CTNNA2: variants seen among roughly 807,000 people sequenced by gnomAD.
CTNNA2 encodes the protein catenin alpha-2.
A neutral mutation model predicts 101.0 loss-of-function variants in CTNNA2; 42 were observed. That is an observed-to-expected ratio of 0.42 (90% CI 0.32 to 0.54). The LOEUF (loss-of-function observed/expected upper bound fraction) is 0.54. CTNNA2 is among the 20% of genes least tolerant of loss of function. CTNNA2 has a pLI of 0.14. For missense variants in CTNNA2, 871 were observed against 1,223.1 expected, an observed-to-expected ratio of 0.71 and a Z score of 4.29; for synonymous variants, 450 against 456.4, an observed-to-expected ratio of 0.99 and a Z score of 0.18.
chr2:80,303,690 G>A lies in CTNNA2; in HGVS notation c.1057-89521G>A, dbSNP rs202209285. On this transcript the variant is annotated intron_variant, in intron 7 of 18. Transcript: ENST00000402739. The surrounding 1 kb of genome is among the most constrained non-coding windows in gnomAD (Gnocchi z 7.7). ...CAGTACAGCAGCCGCCCCTCGCACCGGCACAGCTGCGGGCACCCGCTGGGG... is the reference window on the plus strand; with the variant it reads ...CAGTACAGCAGCCGCCCCTCGCACCAGCACAGCTGCGGGCACCCGCTGGGG... The A allele has an allele frequency of 2.5e-6, 4 of 1,610,336 alleles. No homozygotes were observed. The highest frequency in any genetic ancestry group is 2.2e-5 in the East Asian group (1 of 44,750).
chr2:80,306,795 G>A (rs1352174987), intron 7 of CTNNA2, among the ~76,000 whole-genome samples: 4 of 144,468 alleles, frequency 2.8e-5, no homozygotes, highest in South Asian at 2.2e-4. Flanking sequence ...AGGGTTGCTA[G>A]GAAAAAAAAA....
At chr2:80,251,110 A>T (rs568940362) in intron 7 of CTNNA2, among the ~76,000 whole-genome samples, 1 of 152,174 alleles carries the variant, frequency 6.6e-6, no homozygotes, top group East Asian at 1.9e-4. Flanking sequence ...ATATCTCCTC[A>T]ATGGTGTTTC....
chr2:79,651,080 T>C (rs1292100477), intron 1 of CTNNA2, among the ~76,000 whole-genome samples: 1 of 152,080 alleles, frequency 6.6e-6, no homozygotes, highest in Non-Finnish European at 1.5e-5. Context: ...GACTGTAAAC[T>C]AGTTCAACCA....
At chr2:79,659,215 C>CT (rs5832398) in intron 2 of CTNNA2, among the ~76,000 whole-genome samples, 19,728 of 135,666 alleles carry the variant, frequency 0.15, 1,769 homozygotes, top group East Asian at 0.38. Flanking sequence ...TCCAGTGCCT[C>CT]TTTTTTTTTT....
intron 2 of CTNNA2, among the ~76,000 whole-genome samples, chr2:79,263,135 C>T (rs944486923): frequency 3.9e-5 from 6 of 152,148 alleles, no homozygotes; most frequent in Admixed American, 1.3e-4. Context: ...ATAACATCTA[C>T]AAACAACCCA....
intron 18 of CTNNA2, among the ~76,000 whole-genome samples, chr2:80,633,670 A>G (rs916492292): frequency 2.0e-5 from 3 of 152,190 alleles, no homozygotes; most frequent in Admixed American, 2.0e-4. Flanking sequence ...AGACCAAAAA[A>G]AGTTAACTTT....
intron 7 of CTNNA2, among the ~76,000 whole-genome samples, chr2:80,089,974 T>A (rs1003067652): frequency 1.3e-5 from 2 of 152,134 alleles, no homozygotes; most frequent in African/African-American, 4.8e-5. Context: ...TGTCACCCAG[T>A]CAGGGTGTTA....
chr2:79,872,383 T>C (rs1682658034), intron 5 of CTNNA2, among the ~76,000 whole-genome samples: 1 of 152,190 alleles, frequency 6.6e-6, no homozygotes, highest in African/African-American at 2.4e-5. Context: ...TTTACCATTT[T>C]ATTATTTTTT....
chr2:79,851,737 C>CTTTTTTTTTTTTTTTTTTTTTTTTTCT (rs11399192), intron 3 of CTNNA2, among the ~76,000 whole-genome samples: 3 of 87,124 alleles, frequency 3.4e-5, no homozygotes, highest in Non-Finnish European at 6.1e-5. Context: ...TTTTCTTTTC[C>CTTTTTTTTTTTTTTTTTTTTTTTTTCT]TTTTTTTTTT....
chr2:80,390,975 CA>C (rs990464767), intron 7 of CTNNA2, among the ~76,000 whole-genome samples: 1 of 151,422 alleles, frequency 6.6e-6, no homozygotes, highest in East Asian at 1.9e-4. Flanking sequence ...ACTAAAAATA[CA>C]AAAAAATTAG....
At chr2:80,296,912 C>A (rs1395898902) in intron 7 of CTNNA2, among the ~76,000 whole-genome samples, 1 of 152,120 alleles carries the variant, frequency 6.6e-6, no homozygotes, top group African/African-American at 2.4e-5. Flanking sequence ...AGAACCAGTA[C>A]CATAGACACA....
At chr2:79,586,694 T>G (rs2103948656) in intron 1 of CTNNA2, among the ~76,000 whole-genome samples, 1 of 152,230 alleles carries the variant, frequency 6.6e-6, no homozygotes, top group East Asian at 1.9e-4. Flanking sequence ...ATTTCAACAG[T>G]TTTTGGGAGA....
intron 9 of CTNNA2, among the ~76,000 whole-genome samples, chr2:80,437,266 A>G (rs1364272845): frequency 6.6e-6 from 1 of 152,154 alleles, no homozygotes; most frequent in Non-Finnish European, 1.5e-5. Context: ...CTTTTTGGAG[A>G]TTCGCAACGT....
intron 9 of CTNNA2, among the ~76,000 whole-genome samples, chr2:80,426,480 C>A (rs1285811622): frequency 6.6e-6 from 1 of 152,208 alleles, no homozygotes; most frequent in African/African-American, 2.4e-5. Flanking sequence ...GTGCAAGCCA[C>A]ACATTCTATT....
chr2:80,424,110 C>T (rs1680775060), intron 9 of CTNNA2, among the ~76,000 whole-genome samples: 1 of 152,134 alleles, frequency 6.6e-6, no homozygotes, highest in Non-Finnish European at 1.5e-5. Context: ...CACCCGCCAG[C>T]AGGCCCAGCT....
At chr2:79,803,996 G>T (rs1250991835) in intron 3 of CTNNA2, among the ~76,000 whole-genome samples, 1 of 152,228 alleles carries the variant, frequency 6.6e-6, no homozygotes, top group African/African-American at 2.4e-5. Flanking sequence ...TGACTAAGAG[G>T]CAGCTGGCCA....
At chr2:80,220,758 G>A (rs540079304) in intron 7 of CTNNA2, among the ~76,000 whole-genome samples, 1 of 152,314 alleles carries the variant, frequency 6.6e-6, no homozygotes, top group Admixed American at 6.5e-5. Context: ...CCTCTCATCA[G>A]AAGTTAGAAT....
rs1291653368 is a variant in CTNNA2 at position 79,804,658 on chromosome 2, T to A, written c.299-53355T>A. On this transcript the variant is annotated intron_variant, in intron 3 of 18. Transcript: ENST00000402739. ...AAGGATTGTAACCTACTATTTTTTT[T>A]ATATATTTAAGTAATAAAATGAGAA... Among the ~76,000 whole-genome samples, 8 of 152,230 alleles carry A rather than the reference T, an allele frequency of 5.3e-5. No individual in the cohort carries two copies. In the South Asian group the frequency reaches 1.0e-3, roughly 20 times the overall value.
intron 11 of CTNNA2, among the ~76,000 whole-genome samples, chr2:80,547,336 T>C (rs1692163636): frequency 6.6e-6 from 1 of 152,150 alleles, no homozygotes; most frequent in Admixed American, 6.5e-5. Flanking sequence ...CAAAATTCTA[T>C]AAAATAGGTA....
Sources: allele counts gnomAD v4.1 joint callset (sites outside exome capture counted in the v4.1 genomes callset), GRCh38; gene constraint gnomAD v4.1.1; non-coding constraint Gnocchi (gnomAD v3.1); transcripts MANE v1.5; gene names NCBI Gene and HGNC (gene_info 2026-07-23, HGNC 2026-07-21).